Variants in MBD3L3 observed in about 807,000 individuals in gnomAD.
The protein encoded by MBD3L3 is methyl-CpG binding domain protein 3 like 3.
For synonymous variants in MBD3L3, 1 was observed against 44.0 expected, an observed-to-expected ratio of 0.02 and a Z score of 3.87; for missense variants, 4 against 111.7, an observed-to-expected ratio of 0.04 and a Z score of 4.35.
intron 1 of MBD3L3, among the ~76,000 whole-genome samples, chr19:7,058,214 A>AT (rs1178266779): frequency 4.6e-3 from 58 of 12,574 alleles, no homozygotes; most frequent in African/African-American, 0.012. Context: ...CAGAGAACTA[A>AT]TTTTTTTTGT....
At position 7,056,209 on chromosome 19, in the gene MBD3L3, G is replaced by C; in HGVS notation, c.*113C>G. The C allele has an allele frequency of 1.5e-6, 1 of 681,900 alleles. No individual in the cohort carries two copies. Among genetic ancestry groups the C allele is most frequent in the Admixed American group, 2.1e-5 (1 of 46,630 alleles). 42.2% of individuals were successfully genotyped at this position (681,900 alleles called of 1,614,324 possible). A position where few individuals can be genotyped will look rare whatever the true frequency, so the allele number is the denominator to read the frequency against. ...AAACCATCCACTCCTTACACCTGTT[G>C]CCTTTCAAATACTTTTATTAAAGAA... On this transcript the variant is annotated 3_prime_UTR_variant, in exon 2 of 2. Transcript: ENST00000333843.
chr19:7,056,648 TGCTGCAGG>T lies in MBD3L3; in HGVS notation c.293_300del (p.Pro98GlnfsTer25), dbSNP rs1293619390. 6 of 770,556 alleles carry T rather than the reference TGCTGCAGG, an allele frequency of 7.8e-6. No individual in the cohort carries two copies. In the Admixed American group the frequency reaches 8.6e-5, roughly 11 times the overall value. 47.7% of individuals were successfully genotyped at this position (770,556 alleles called of 1,614,324 possible). ...AGTGGACTTGAACCTTCTCCTTGGCTGCTGCAGGGCTGCAGGGCCTGCAGTCTCCGGTA... is the reference window on the plus strand; with the variant it reads ...AGTGGACTTGAACCTTCTCCTTGGCTGCTGCAGGGCCTGCAGTCTCCGGTA... On this transcript the variant is annotated frameshift_variant, in exon 2 of 2. Coordinates refer to ENST00000333843, the MANE Select transcript of MBD3L3 (RefSeq NM_001164425.4). LOFTEE classifies it low-confidence loss of function (END_TRUNC).
chr19:7,058,499 CT>C, intron 1 of MBD3L3, 61 bp downstream of exon 1: 2 of 376,540 alleles, frequency 5.3e-6, no homozygotes, highest in South Asian at 2.0e-5. Flanking sequence ...GTAAAGCTGT[CT>C]TACAGAAGGA....
chr19:7,056,952 CAGG>C (rs1333410497), intron 1 of MBD3L3, 49 bp from the exon 2 acceptor site: 4 of 466,338 alleles, frequency 8.6e-6, no homozygotes, highest in East Asian at 6.3e-5. Flanking sequence ...CAATTGGAGA[CAGG>C]AGAAGATCAG....
rs1977210050 is a variant in MBD3L3, at chr19:7,056,619, A to G, written c.330T>C (p.His110=). 1.3e-6 allele frequency: 1 copy of G among 775,376 alleles called. No homozygotes were observed. The highest frequency in any genetic ancestry group is 2.4e-6 in the Non-Finnish European group (1 of 416,814). 48.0% of individuals were successfully genotyped at this position (775,376 alleles called of 1,614,324 possible). Residue 110 remains histidine (H), a synonymous_variant, in exon 2 of 2, where the codon CAT becomes CAC. Transcript: ENST00000333843. The part of the protein sequence containing the change: ...SSQGEGSSPL[H]LESVLSILAP... ...CAAGGATACTTAAGACGCTCTCCAA[A>G]TGCAGTGGACTTGAACCTTCTCCTT... is the stretch of plus-strand genomic sequence containing the variant.
In MBD3L3 at chr19:7,056,256, T is replaced by C. The variant is rs1977195966; in HGVS notation, c.*66A>G. 2 of 680,722 alleles carry C rather than the reference T, an allele frequency of 2.9e-6. No homozygotes were observed. The highest frequency in any genetic ancestry group is 1.6e-5 in the South Asian group (1 of 63,682). The allele number at this position is 680,722 out of a possible 1,614,324, so 42.2% of individuals were successfully genotyped here. On this transcript the variant is annotated 3_prime_UTR_variant, in exon 2 of 2. Coordinates refer to ENST00000333843, the MANE Select transcript of MBD3L3 (RefSeq NM_001164425.4). ...AGAACTGGTGGGGAAGGGAAAAGTG[T>C]GACAATTCAGAGTAGGAATGAGGAT...
At chr19:7,056,955 GAGA>G in intron 1 of MBD3L3, 52 bp from the exon 2 acceptor site, 1 of 463,186 alleles carries the variant, frequency 2.2e-6, no homozygotes, top group Non-Finnish European at 3.6e-6. Context: ...TTGGAGACAG[GAGA>G]AGATCAGCTG....
Position 7,056,911 on chromosome 19 carries a change from AAG to A in MBD3L3, c.46-10_46-9del, listed in dbSNP as rs1977218226. The A allele has an allele frequency of 2.0e-6, 1 of 512,440 alleles. No individual in the cohort carries two copies. Among genetic ancestry groups the A allele is most frequent in the Non-Finnish European group, 3.3e-6 (1 of 300,560 alleles). 31.7% of individuals were successfully genotyped at this position (512,440 alleles called of 1,614,324 possible). A position where few individuals can be genotyped will look rare whatever the true frequency, so the allele number is the denominator to read the frequency against. Reference sequence around the variant, plus strand: ...GTTTCTTTTGAGCTTCCCCTTTCAAAAGAAAAGAAAAGAAAATGTGAAATTTC... The same window carrying A: ...GTTTCTTTTGAGCTTCCCCTTTCAAAAAAAGAAAAGAAAATGTGAAATTTC... On this transcript the variant is annotated splice_polypyrimidine_tract_variant and intron_variant, in intron 1 of 1. Transcript: ENST00000333843.
Position 7,056,215 on chromosome 19 carries a change from C to G in MBD3L3, c.*107G>C, listed in dbSNP as rs1287803760. 1.5e-6 allele frequency: 1 copy of G among 680,810 alleles called. No homozygotes were observed. Among genetic ancestry groups the G allele is most frequent in the Admixed American group, 2.1e-5 (1 of 46,654 alleles). 42.2% of individuals were successfully genotyped at this position (680,810 alleles called of 1,614,324 possible). ...TCCACTCCTTACACCTGTTGCCTTT[C>G]AAATACTTTTATTAAAGAACTGGTG... On this transcript the variant is annotated 3_prime_UTR_variant, in exon 2 of 2. Coordinates refer to ENST00000333843, the MANE Select transcript of MBD3L3 (RefSeq NM_001164425.4).
At position 7,056,310 on chromosome 19, in the gene MBD3L3, C is replaced by T; in HGVS notation, c.*12G>A. Reference sequence around the variant, plus strand: ...CATTAAAAGAAAGGGACCGAAAGCCCAGGACTGCGCTTCATCTACATGTCA... The same window carrying T: ...CATTAAAAGAAAGGGACCGAAAGCCTAGGACTGCGCTTCATCTACATGTCA... On this transcript the variant is annotated 3_prime_UTR_variant, in exon 2 of 2. Transcript: ENST00000333843. 1 of 697,202 alleles carries T rather than the reference C, an allele frequency of 1.4e-6. No homozygotes were observed. The highest frequency in any genetic ancestry group is 2.7e-5 in the East Asian group (1 of 37,076). The allele number at this position is 697,202 out of a possible 1,614,324, so 43.2% of individuals were successfully genotyped here.
Position 7,056,243 on chromosome 19 carries a change from G to A in MBD3L3, c.*79C>T. On this transcript the variant is annotated 3_prime_UTR_variant, in exon 2 of 2. Transcript: ENST00000333843. Reference sequence around the variant, plus strand: ...ATACTTTTATTAAAGAACTGGTGGGGAAGGGAAAAGTGTGACAATTCAGAG... The same window carrying A: ...ATACTTTTATTAAAGAACTGGTGGGAAAGGGAAAAGTGTGACAATTCAGAG... 1 of 680,902 alleles carries A rather than the reference G, an allele frequency of 1.5e-6. No individual in the cohort carries two copies. Among genetic ancestry groups the A allele is most frequent in the South Asian group, 1.6e-5 (1 of 63,764 alleles). The allele number at this position is 680,902 out of a possible 1,614,324, so 42.2% of individuals were successfully genotyped here.
rs1343278821 is a variant in MBD3L3 at position 7,056,840 on chromosome 19, TG to T, written c.108del (p.Lys37ArgfsTer14). 1.6e-6 allele frequency: 1 copy of T among 638,014 alleles called. No homozygotes were observed. Among genetic ancestry groups the T allele is most frequent in the Non-Finnish European group, 2.8e-6 (1 of 353,548 alleles). The allele number at this position is 638,014 out of a possible 1,614,324, so 39.5% of individuals were successfully genotyped here. On this transcript the variant is annotated frameshift_variant, in exon 2 of 2. Coordinates refer to ENST00000333843, the MANE Select transcript of MBD3L3 (RefSeq NM_001164425.4). LOFTEE classifies it low-confidence loss of function (END_TRUNC). ...ALQKKREIHM[A>X]KAHRRRAARS... The stretch of plus-strand genomic sequence containing the variant: ...CTCGCAGCTCGTCTCCGATGGGCCT[TG>T]GCCATGTGGATTTCTCGTTTCTTCT...
rs892179782 is a variant in MBD3L3, at chr19:7,056,232, G to C, written c.*90C>G. On this transcript the variant is annotated 3_prime_UTR_variant, in exon 2 of 2. Transcript: ENST00000333843. ...TTGCCTTTCAAATACTTTTATTAAA[G>C]AACTGGTGGGGAAGGGAAAAGTGTG... The C allele has an allele frequency of 4.1e-5, 28 of 680,360 alleles. No homozygotes were observed. The highest frequency in any genetic ancestry group is 6.1e-5 in the Non-Finnish European group (23 of 376,808). 42.1% of individuals were successfully genotyped at this position (680,360 alleles called of 1,614,324 possible).
intron 1 of MBD3L3, 88 bp from the exon 2 acceptor site, chr19:7,056,991 T>TG (rs1977219511): frequency 9.2e-6 from 4 of 435,284 alleles, no homozygotes; most frequent in South Asian, 9.0e-5. Flanking sequence ...CTCAGCTCAG[T>TG]GGAATCTTCC....
intron 1 of MBD3L3, among the ~76,000 whole-genome samples, chr19:7,058,349 T>TA (rs1264016766): frequency 7.2e-5 from 2 of 27,840 alleles, no homozygotes; most frequent in African/African-American, 1.3e-4. Context: ...GTTGGATTTT[T>TA]AAAAAAAAAT....
Position 7,056,476 on chromosome 19 carries a change from C to G in MBD3L3, c.473G>C (p.Gly158Ala). The G allele has an allele frequency of 1.3e-6, 1 of 754,474 alleles. No homozygotes were observed. Among genetic ancestry groups the G allele is most frequent in the Admixed American group, 1.8e-5 (1 of 55,306 alleles). 46.7% of individuals were successfully genotyped at this position (754,474 alleles called of 1,614,324 possible). Residue 158 changes from glycine to alanine, a missense_variant, in exon 2 of 2, where the codon GGT becomes GCT. Coordinates refer to ENST00000333843, the MANE Select transcript of MBD3L3 (RefSeq NM_001164425.4). ...AVAGGPTPGM[G>A]CQLPPPLSGQ... Reference sequence around the variant, plus strand: ...AGAGAGGGGCGGTGGGAGCTGACAACCCATTCCTGGGGTTGGCCCCCCTGC... The same window carrying G: ...AGAGAGGGGCGGTGGGAGCTGACAAGCCATTCCTGGGGTTGGCCCCCCTGC...
rs1977209185 is a variant in MBD3L3, at chr19:7,056,606, A to T, written c.343T>A (p.Leu115Ile). The T allele has an allele frequency of 1.3e-6, 1 of 777,306 alleles. No individual in the cohort carries two copies. Among genetic ancestry groups the T allele is most frequent in the Non-Finnish European group, 2.4e-6 (1 of 417,640 alleles). The allele number at this position is 777,306 out of a possible 1,614,324, so 48.2% of individuals were successfully genotyped here. A position where few individuals can be genotyped will look rare whatever the true frequency, so the allele number is the denominator to read the frequency against. ...GSSPLHLESV[L>I]SILAPGTAGE... ...GCCGTCCCCGGTGCAAGGATACTTAAGACGCTCTCCAAATGCAGTGGACTT... is the reference window on the plus strand; with the variant it reads ...GCCGTCCCCGGTGCAAGGATACTTATGACGCTCTCCAAATGCAGTGGACTT... The change falls in exon 2 of 2, where the codon TTA becomes ATA. Residue 115 changes from leucine to isoleucine, a missense_variant. Leu to Ile is a conservative substitution (Grantham distance 5, BLOSUM62 2). Coordinates refer to ENST00000333843, the MANE Select transcript of MBD3L3 (RefSeq NM_001164425.4).
chr19:7,056,279 G>T lies in MBD3L3; in HGVS notation c.*43C>A, dbSNP rs1977196360. The T allele has an allele frequency of 4.4e-6, 3 of 684,074 alleles. No homozygotes were observed. The highest frequency in any genetic ancestry group is 8.0e-6 in the Non-Finnish European group (3 of 375,912). The allele number at this position is 684,074 out of a possible 1,614,324, so 42.4% of individuals were successfully genotyped here. A position where few individuals can be genotyped will look rare whatever the true frequency, so the allele number is the denominator to read the frequency against. On this transcript the variant is annotated 3_prime_UTR_variant, in exon 2 of 2. Transcript: ENST00000333843. The stretch of plus-strand genomic sequence containing the variant: ...TGTGACAATTCAGAGTAGGAATGAG[G>T]ATGGGCATTAAAAGAAAGGGACCGA...
rs776584324 is a variant in MBD3L3 at position 7,056,316 on chromosome 19, T to C, written c.*6A>G. 1 of 700,480 alleles carries C rather than the reference T, an allele frequency of 1.4e-6. No homozygotes were observed. Among genetic ancestry groups the C allele is most frequent in the Non-Finnish European group, 2.6e-6 (1 of 380,256 alleles). 43.4% of individuals were successfully genotyped at this position (700,480 alleles called of 1,614,324 possible). A position where few individuals can be genotyped will look rare whatever the true frequency, so the allele number is the denominator to read the frequency against. ...AAGAAAGGGACCGAAAGCCCAGGACTGCGCTTCATCTACATGTCAGCATTT... is the reference window on the plus strand; with the variant it reads ...AAGAAAGGGACCGAAAGCCCAGGACCGCGCTTCATCTACATGTCAGCATTT... On this transcript the variant is annotated 3_prime_UTR_variant, in exon 2 of 2. Coordinates refer to ENST00000333843, the MANE Select transcript of MBD3L3 (RefSeq NM_001164425.4).
Sources: gnomAD v4.1 joint callset for allele counts (sites outside exome capture counted in the v4.1 genomes callset) on GRCh38, gnomAD v4.1.1 for gene constraint, MANE v1.5 for transcripts, NCBI Gene and HGNC (gene_info 2026-07-23, HGNC 2026-07-21) for gene names.